MYOM3: variants seen among roughly 807,000 people sequenced by gnomAD.
MYOM3 encodes the protein myomesin-3.
In MYOM3, 155 loss-of-function variants were observed where a neutral mutation model predicts 191.7. That is an observed-to-expected ratio of 0.81 (90% confidence interval 0.71 to 0.92). MYOM3 has a LOEUF of 0.92. MYOM3 is among the 40% of genes least tolerant of loss of function. MYOM3 has a pLI of 0.00. For missense variants in MYOM3, 1,889 were observed against 1,890.6 expected (o/e 1.00, Z 0.02); for synonymous variants, 757 against 762.9 (o/e 0.99, Z 0.13).
rs781603509 is a variant in MYOM3 at position 24,089,521 on chromosome 1, G to C, written c.1614+17C>G. The C allele has an allele frequency of 6.3e-7, 1 of 1,590,204 alleles. No individual in the cohort carries two copies. The highest frequency in any genetic ancestry group is 8.6e-7 in the Non-Finnish European group (1 of 1,167,826). On this transcript the variant is annotated intron_variant, in intron 14 of 36. Transcript: ENST00000374434. Reference sequence around the variant, plus strand: ...TTTCTCAGGCTGGCCTGGGGCTGGGGCCTCGGGGTTCCCTACCTTCTCCAG... The same window carrying C: ...TTTCTCAGGCTGGCCTGGGGCTGGGCCCTCGGGGTTCCCTACCTTCTCCAG...
intron 18 of MYOM3, 156 bp from the exon 19 acceptor site, chr1:24,081,612 G>A (rs752209660): frequency 1.3e-4 from 109 of 852,134 alleles, no homozygotes; most frequent in Non-Finnish European, 1.8e-4. Flanking sequence ...ACCCAGGCTG[G>A]AGTGCAGTGG....
Position 24,057,086 on chromosome 1 carries a change from C to T in MYOM3, c.*278G>A. ...AGCAGCGTACCTGACCTCTACCTATCAGATGCCAGTACTGTTAGATAGCCC... is the reference window on the plus strand; with the variant it reads ...AGCAGCGTACCTGACCTCTACCTATTAGATGCCAGTACTGTTAGATAGCCC... On this transcript the variant is annotated 3_prime_UTR_variant, in exon 37 of 37. Transcript: ENST00000374434. 2.1e-6 allele frequency: 1 copy of T among 477,836 alleles called. No homozygotes were observed. Among genetic ancestry groups the T allele is most frequent in the Non-Finnish European group, 3.8e-6 (1 of 266,170 alleles). The allele number at this position is 477,836 out of a possible 1,614,324, so 29.6% of individuals were successfully genotyped here. A position where few individuals can be genotyped will look rare whatever the true frequency, so the allele number is the denominator to read the frequency against.
chr1:24,061,614 C>T (rs554796707), intron 33 of MYOM3, among the ~76,000 whole-genome samples: 76 of 152,314 alleles, frequency 5.0e-4, no homozygotes, highest in Admixed American at 2.5e-3. Flanking sequence ...GGGTCTCACT[C>T]TGTTGCCCAG....
intron 11 of MYOM3, 21 bp downstream of exon 11, chr1:24,092,153 C>T (rs1204956773): frequency 6.9e-7 from 1 of 1,441,266 alleles, no homozygotes; most frequent in East Asian, 2.7e-5. Flanking sequence ...AGGGCCTCTG[C>T]CACTCACGAG....
At chr1:24,081,500 G>T (rs563743069) in intron 18 of MYOM3, 44 bp from the exon 19 acceptor site, 1 of 1,602,660 alleles carries the variant, frequency 6.2e-7, no homozygotes, top group Non-Finnish European at 8.5e-7. Context: ...GGCTGGAGGA[G>T]GGATGGGGAA....
chr1:24,101,165 T>C (rs754921251), intron 5 of MYOM3, among the ~76,000 whole-genome samples: 2 of 152,156 alleles, frequency 1.3e-5, no homozygotes, highest in Non-Finnish European at 2.9e-5. Context: ...CCTCTGTCCT[T>C]GGCAGGAACA....
intron 18 of MYOM3, 127 bp downstream of exon 18, chr1:24,081,874 C>G (rs773663552): frequency 8.5e-6 from 8 of 945,000 alleles, no homozygotes; most frequent in Non-Finnish European, 1.1e-5. Context: ...GGAAAATGAT[C>G]TCGATGGCTG....
rs747481954 is a variant in MYOM3, at chr1:24,090,152, G to T, written c.1433-34C>A. The T allele has an allele frequency of 2.5e-6, 4 of 1,571,934 alleles. No homozygotes were observed. In the African/African-American group the frequency reaches 4.0e-5, roughly 16 times the overall value. On this transcript the variant is annotated intron_variant, in intron 12 of 36. Coordinates refer to ENST00000374434, the MANE Select transcript of MYOM3 (RefSeq NM_152372.4). ...AGAAGGGAGCATGGGAGGGTGGGGG[G>T]TGGCACAGGAGGAGTTAGGCCAGGA...
At chr1:24,073,012 T>C (rs1236065999) in intron 23 of MYOM3, among the ~76,000 whole-genome samples, 2 of 152,176 alleles carry the variant, frequency 1.3e-5, no homozygotes, top group African/African-American at 4.8e-5. Flanking sequence ...GAGTCTAGAT[T>C]CATGGCAAGC....
chr1:24,094,023 C>T (rs896054191), intron 9 of MYOM3, among the ~76,000 whole-genome samples: 5 of 152,152 alleles, frequency 3.3e-5, no homozygotes, highest in Non-Finnish European at 7.4e-5. Context: ...GCCTCCCAGC[C>T]CACGGGTCAG....
chr1:24,073,972 G>A (rs772691044), intron 23 of MYOM3, among the ~76,000 whole-genome samples, 188 bp downstream of exon 23: 3 of 151,956 alleles, frequency 2.0e-5, no homozygotes, highest in Non-Finnish European at 4.4e-5. Flanking sequence ...TAATATCCAG[G>A]GCCTACCTGG....
intron 5 of MYOM3, among the ~76,000 whole-genome samples, chr1:24,103,772 C>A (rs1421345739): frequency 6.6e-6 from 1 of 152,168 alleles, no homozygotes; most frequent in East Asian, 1.9e-4. Flanking sequence ...GAATAACTGT[C>A]TTTGTTTCAT....
chr1:24,086,511 A>G (rs1049617175), intron 15 of MYOM3, 133 bp downstream of exon 15: 1 of 891,560 alleles, frequency 1.1e-6, no homozygotes, highest in Admixed American at 2.9e-5. Flanking sequence ...CCTGAGATCA[A>G]ATTGCTTTTC....
Position 24,063,548 on chromosome 1 carries a change from G to A in MYOM3, c.3623-18C>T. On this transcript the variant is annotated intron_variant, in intron 30 of 36. Transcript: ENST00000374434. The surrounding 1 kb of genome is among the most constrained non-coding windows in gnomAD (Gnocchi z 4.5). The stretch of plus-strand genomic sequence containing the variant: ...ATCCAGGGCTGGCGGGAAACAGAGA[G>A]AAGGGTTAGCTGGCATAGGGCTCCC... 6.2e-7 allele frequency: 1 copy of A among 1,614,140 alleles called. No individual in the cohort carries two copies. The highest frequency in any genetic ancestry group is 8.5e-7 in the Non-Finnish European group (1 of 1,179,980).
intron 5 of MYOM3, among the ~76,000 whole-genome samples, chr1:24,102,114 G>A (rs919825695): frequency 6.6e-6 from 1 of 152,162 alleles, no homozygotes; most frequent in African/African-American, 2.4e-5. Flanking sequence ...CCCAGAGAGA[G>A]GGCACCCCAG....
chr1:24,059,009 G>T (rs775860565), intron 35 of MYOM3, 30 bp from the exon 36 acceptor site: 6 of 1,572,190 alleles, frequency 3.8e-6, no homozygotes, highest in East Asian at 2.2e-5. Flanking sequence ...CCCCAGCGAT[G>T]AATCCTTTTC....
intron 15 of MYOM3, among the ~76,000 whole-genome samples, chr1:24,085,109 A>ATGGATGG (rs1557610105): frequency 6.8e-6 from 1 of 147,918 alleles, no homozygotes; most frequent in Non-Finnish European, 1.5e-5. Context: ...TGGTTGGATG[A>ATGGATGG]ATGGATGGAT....
intron 7 of MYOM3, among the ~76,000 whole-genome samples, chr1:24,096,256 T>C (rs779188762): frequency 2.6e-5 from 4 of 152,052 alleles, no homozygotes; most frequent in Non-Finnish European, 5.9e-5. Flanking sequence ...AGGGCTCCTG[T>C]CCCCCAGGCC....
intron 32 of MYOM3, 135 bp downstream of exon 32, chr1:24,062,991 C>A (rs973235369): frequency 2.5e-5 from 16 of 634,696 alleles, no homozygotes; most frequent in Admixed American, 5.0e-5. Context: ...CTGCTAACCC[C>A]TGGGACCAGG....
Sources: allele counts gnomAD v4.1 joint callset (sites outside exome capture counted in the v4.1 genomes callset), GRCh38; gene constraint gnomAD v4.1.1; non-coding constraint Gnocchi (gnomAD v3.1); transcripts MANE v1.5; gene names NCBI Gene and HGNC (gene_info 2026-07-23, HGNC 2026-07-21).